The following CDK13 variants were observed in gnomAD, a reference collection of about 807,000 sequenced individuals.
The protein encoded by CDK13 is cyclin-dependent kinase 13.
CDK13 carries 40 observed loss-of-function variants against 137.6 expected under a neutral mutation model. The ratio of observed to expected loss-of-function variants is 0.29; its 90% CI spans 0.23 to 0.38. The LOEUF (loss-of-function observed/expected upper bound fraction) is 0.38, where lower values mean the gene tolerates loss of function less well. Among genes scored for constraint, CDK13 ranks in the 10% least tolerant of loss-of-function variants. The pLI, the probability that CDK13 is intolerant of heterozygous loss-of-function variation, is 1.00. For missense variants in CDK13, 1,704 were observed against 1,951.8 expected (o/e 0.87, Z 2.39); for synonymous variants, 869 against 760.1 (o/e 1.14, Z -2.36).
At chr7:40,001,591 A>G (rs1247053494) in intron 4 of CDK13, among the ~76,000 whole-genome samples, 3 of 152,140 alleles carry the variant, frequency 2.0e-5, no homozygotes, top group African/African-American at 7.2e-5. Context: ...AAATATATAA[A>G]TGGGGAGCAT....
chr7:40,073,451 G>T (rs1408634767), intron 9 of CDK13, among the ~76,000 whole-genome samples: 2 of 152,126 alleles, frequency 1.3e-5, no homozygotes, highest in Non-Finnish European at 2.9e-5. Flanking sequence ...GTTGCACTGA[G>T]CCTTGTTTGC....
intron 5 of CDK13, among the ~76,000 whole-genome samples, chr7:40,030,422 ATTTTTTT>A (rs34922492): frequency 6.4e-4 from 42 of 66,012 alleles, no homozygotes; most frequent in African/African-American, 1.6e-3. Context: ...GCAACCACTG[ATTTTTTT>A]TTTTTTTTTT....
At chr7:39,955,788 TTAG>T (rs983639333) in intron 1 of CDK13, among the ~76,000 whole-genome samples, 18 of 152,288 alleles carry the variant, frequency 1.2e-4, no homozygotes, top group African/African-American at 4.1e-4. Context: ...TTAATTACTC[TTAG>T]TTATTGGTGG....
chr7:40,076,768 T>A (rs1041389116), intron 9 of CDK13, among the ~76,000 whole-genome samples: 7 of 152,358 alleles, frequency 4.6e-5, no homozygotes, highest in African/African-American at 1.7e-4. Flanking sequence ...GCTAAAAAAA[T>A]GTCTGGCAAC....
rs778059575 is a variant in CDK13 at position 39,987,901 on chromosome 7, G to A, written c.1514G>A (p.Ser505Asn). The A allele has an allele frequency of 3.7e-6, 6 of 1,614,074 alleles. No individual in the cohort carries two copies. The highest frequency in any genetic ancestry group is 3.3e-4 in the Middle Eastern group (2 of 6,084). Reference protein sequence around the residue: ...PTKGNTETSASASQTNHVKDV... With the variant: ...PTKGNTETSANASQTNHVKDV... The stretch of plus-strand genomic sequence containing the variant: ...AAGGGGAACACGGAAACTAGTGCCA[G>A]TGCATCACAAACAAACCATGTGAAG... The change falls in exon 2 of 14, where the codon AGT (serine) becomes AAT (asparagine). Residue 505 changes from serine (S) to asparagine (N), a missense_variant. Ser to Asn is a conservative substitution (Grantham distance 46). Coordinates refer to ENST00000181839, the MANE Select transcript of CDK13 (RefSeq NM_003718.5).
At chr7:40,052,383 G>A (rs1785911723) in intron 7 of CDK13, among the ~76,000 whole-genome samples, 1 of 152,128 alleles carries the variant, frequency 6.6e-6, no homozygotes, top group Non-Finnish European at 1.5e-5. Context: ...CACCATGTTG[G>A]CCAGGCTGGC....
intron 2 of CDK13, among the ~76,000 whole-genome samples, chr7:39,992,070 TACAC>T (rs148046155): frequency 0.14 from 20,559 of 147,026 alleles, 4,763 homozygotes; most frequent in African/African-American, 0.48. Flanking sequence ...GAAAAAATTA[TACAC>T]ACACACACAC....
chr7:39,961,779 C>T (rs1004628200), intron 1 of CDK13, among the ~76,000 whole-genome samples: 1 of 152,072 alleles, frequency 6.6e-6, no homozygotes, highest in African/African-American at 2.4e-5. Flanking sequence ...AATGCTATCC[C>T]TCCTCCCTCC....
chr7:39,969,408 T>C (rs1160497839), intron 1 of CDK13, among the ~76,000 whole-genome samples: 3 of 152,250 alleles, frequency 2.0e-5, no homozygotes, highest in Admixed American at 1.3e-4. Flanking sequence ...TGAGTACTTA[T>C]TACATCCAGT....
intron 9 of CDK13, among the ~76,000 whole-genome samples, chr7:40,075,538 A>G (rs1297874992): frequency 1.3e-5 from 2 of 152,182 alleles, no homozygotes; most frequent in East Asian, 1.9e-4. Context: ...TTATAAGACT[A>G]TTAATGGGCC....
chr7:40,049,544 A>G lies in CDK13; in HGVS notation c.2600+1667A>G, dbSNP rs1785833678. ...TTTTGAAATATGTATACATTGTGAA[A>G]TGGCTACATTGAGCTAATTACTATG... On this transcript the variant is annotated intron_variant, in intron 7 of 13. Transcript: ENST00000181839. Among the ~76,000 whole-genome samples, 3 of 152,296 alleles carry G rather than the reference A, an allele frequency of 2.0e-5. No individual in the cohort carries two copies. In the South Asian group the frequency reaches 6.2e-4, roughly 32 times the overall value.
intron 5 of CDK13, among the ~76,000 whole-genome samples, chr7:40,029,464 G>C (rs377685016): frequency 1.3e-5 from 2 of 151,526 alleles, no homozygotes; most frequent in South Asian, 4.2e-4. Context: ...GCTCACCCCC[G>C]TAATCCCAGC....
Position 40,078,777 on chromosome 7 carries a change from G to T in CDK13, c.2955G>T (p.Lys985Asn). The T allele has an allele frequency of 6.4e-7, 1 of 1,557,178 alleles. No homozygotes were observed. Among genetic ancestry groups the T allele is most frequent in the South Asian group, 1.2e-5 (1 of 82,330 alleles). The change falls in exon 11 of 14, where the codon AAG becomes AAT. Residue 985 changes from lysine to asparagine, a missense_variant. Physicochemically the swap from Lys to Asn is moderately conservative, Grantham distance 94. This residue lies in a region of CDK13 where 45 missense variants were observed against 57.0 expected (regional missense o/e 0.79). Coordinates refer to ENST00000181839, the MANE Select transcript of CDK13 (RefSeq NM_003718.5). ...FDYMLALDPS[K>N]RCTAEQALQC... ...ACATGCTTGCCTTGGATCCTAGTAAGCGCTGCACTGCTGAACAGGCTCTTC... is the reference window on the plus strand; with the variant it reads ...ACATGCTTGCCTTGGATCCTAGTAATCGCTGCACTGCTGAACAGGCTCTTC...
intron 5 of CDK13, among the ~76,000 whole-genome samples, chr7:40,011,826 TATC>T (rs1395160340): frequency 6.6e-6 from 1 of 152,206 alleles, no homozygotes; most frequent in Non-Finnish European, 1.5e-5. Flanking sequence ...AGGTGGATAC[TATC>T]ATCAGCATGA....
At chr7:40,022,676 C>T (rs1315128228) in intron 5 of CDK13, among the ~76,000 whole-genome samples, 2 of 151,002 alleles carry the variant, frequency 1.3e-5, no homozygotes, top group Non-Finnish European at 2.9e-5. Context: ...CCTCTCTGTC[C>T]CAATTGAACC....
rs549690014 is a variant in CDK13, at chr7:40,016,152, G to A, written c.2353+14121G>A. The stretch of plus-strand genomic sequence containing the variant: ...CATTAAGCTAAAAGATACTTGTTAC[G>A]TTGCTGTGCAGTTTTTGGTACCTCT... On this transcript the variant is annotated intron_variant, in intron 5 of 13. Coordinates refer to ENST00000181839, the MANE Select transcript of CDK13 (RefSeq NM_003718.5). Among the ~76,000 whole-genome samples, 8 of 152,304 alleles carry A rather than the reference G, an allele frequency of 5.3e-5. No homozygotes were observed. The South Asian group carries it at 8.3e-4, about 16-fold the overall frequency.
intron 1 of CDK13, among the ~76,000 whole-genome samples, chr7:39,981,385 T>G (rs941919035): frequency 7.4e-6 from 1 of 135,686 alleles, no homozygotes; most frequent in Non-Finnish European, 1.5e-5. Flanking sequence ...AAAAAAAAAA[T>G]TATCTATTAA....
intron 13 of CDK13, 70 bp downstream of exon 13, chr7:40,093,307 A>AT: frequency 8.1e-7 from 1 of 1,229,798 alleles, no homozygotes; most frequent in South Asian, 1.4e-5. Flanking sequence ...CTGACTATAT[A>AT]TAATGTGTAT....
chr7:40,085,912 C>G (rs1786776437), intron 11 of CDK13, among the ~76,000 whole-genome samples: 1 of 152,102 alleles, frequency 6.6e-6, no homozygotes, highest in Non-Finnish European at 1.5e-5. Flanking sequence ...CAAACAAAAG[C>G]TAGAATGCTG....
Sources: gnomAD v4.1 joint callset for allele counts (sites outside exome capture counted in the v4.1 genomes callset) on GRCh38, gnomAD v4.1.1 for gene constraint, gnomAD v4.1.1 regional missense constraint, MANE v1.5 for transcripts, NCBI Gene and HGNC (gene_info 2026-07-23, HGNC 2026-07-21) for gene names.